MIB1: variants seen among roughly 807,000 people sequenced by gnomAD.
MIB1 encodes the protein MIB E3 ubiquitin protein ligase 1.
Under a neutral mutation model 124.5 loss-of-function variants are expected in MIB1, and 278 were observed. That is an observed-to-expected ratio of 2.23 (90% CI 2.02 to 2.47). The LOEUF (loss-of-function observed/expected upper bound fraction) is 2.47. Ranked by LOEUF, MIB1 falls within the 30% of genes most tolerant of loss-of-function variation. MIB1 has a pLI of 0.00. For synonymous variants in MIB1, 446 were observed against 429.4 expected, an observed-to-expected ratio of 1.04 and a Z score of -0.48; for missense variants, 957 against 1,254.4, an observed-to-expected ratio of 0.76 and a Z score of 3.58.
intron 1 of MIB1, among the ~76,000 whole-genome samples, chr18:21,706,479 G>A (rs1418041423): frequency 2.6e-5 from 4 of 152,170 alleles, no homozygotes; most frequent in African/African-American, 7.2e-5. Flanking sequence ...GGCTGAGGCC[G>A]GAGCCAGCTC....
chr18:21,758,209 A>G (rs1041636497), intron 1 of MIB1, among the ~76,000 whole-genome samples: 3 of 152,190 alleles, frequency 2.0e-5, no homozygotes, highest in African/African-American at 2.4e-5. Context: ...TAATAACAAC[A>G]ATCCTATTTT....
intron 1 of MIB1, among the ~76,000 whole-genome samples, chr18:21,718,952 G>A (rs1004444036): frequency 6.6e-6 from 1 of 152,114 alleles, no homozygotes; most frequent in East Asian, 1.9e-4. Context: ...ACTTTGGGAG[G>A]CCAAGGTGGG....
At chr18:21,756,545 A>G (rs2041033584) in intron 1 of MIB1, among the ~76,000 whole-genome samples, 1 of 152,066 alleles carries the variant, frequency 6.6e-6, no homozygotes, top group Non-Finnish European at 1.5e-5. Flanking sequence ...GCTCGCTGCA[A>G]CCTTTGCCTC....
chr18:21,858,913 A>G lies in MIB1; in HGVS notation c.2880+267A>G, dbSNP rs1034369979. On this transcript the variant is annotated intron_variant, in intron 20 of 20. Coordinates refer to ENST00000261537, the MANE Select transcript of MIB1 (RefSeq NM_020774.4). ...AAACTAAAGCCACAAGGAAGTTTTC[A>G]TAAGTATTAGATTGAGGAAAATGTT... is the stretch of plus-strand genomic sequence containing the variant. 5.9e-5 allele frequency among the ~76,000 whole-genome samples: 9 copies of G among 152,376 alleles called. 1 individual carries two copies. In the South Asian group the frequency reaches 1.2e-3, roughly 21 times the overall value.
chr18:21,785,272 C>T (rs1005892235), intron 6 of MIB1, among the ~76,000 whole-genome samples: 2 of 151,918 alleles, frequency 1.3e-5, no homozygotes, highest in East Asian at 1.9e-4. Context: ...CATTTGGGGC[C>T]GCTACCGGTC....
chr18:21,772,710 G>C (rs1311206790), intron 3 of MIB1, among the ~76,000 whole-genome samples: 2 of 152,046 alleles, frequency 1.3e-5, no homozygotes, highest in Non-Finnish European at 2.9e-5. Context: ...GTGAATTCAA[G>C]AATCAGACTA....
At chr18:21,757,451 C>CAAAAA (rs1202189616) in intron 1 of MIB1, among the ~76,000 whole-genome samples, 11 of 13,264 alleles carry the variant, frequency 8.3e-4, no homozygotes, top group African/African-American at 1.7e-3. Flanking sequence ...GACTCTGTCT[C>CAAAAA]AAAAAAAAAA....
chr18:21,851,108 C>T (rs965969660), intron 17 of MIB1, among the ~76,000 whole-genome samples: 5 of 152,106 alleles, frequency 3.3e-5, no homozygotes, highest in African/African-American at 9.7e-5. Context: ...AGTTCAGAGC[C>T]TCTGGTTGTC....
Position 21,849,374 on chromosome 18 carries a change from C to T in MIB1, c.2572C>T (p.Gln858Ter). ...ATGCCTCATCTGTAAAGAACAGGTTCAATCCAGGACAAAGGTAAGATATAT... is the reference window on the plus strand; with the variant it reads ...ATGCCTCATCTGTAAAGAACAGGTTTAATCCAGGACAAAGGTAAGATATAT... ...KKCLICKEQV[Q>*]SRTKIEECVV... Residue 858 changes from glutamine (Q) to a stop codon, truncating the protein, a stop_gained, in exon 17 of 21, where the codon CAA becomes TAA. Coordinates refer to ENST00000261537, the MANE Select transcript of MIB1 (RefSeq NM_020774.4). LOFTEE classifies it high-confidence loss of function. The T allele has an allele frequency of 6.3e-7, 1 of 1,598,138 alleles. No homozygotes were observed.
At chr18:21,777,920 TC>T (rs2041310225) in intron 4 of MIB1, among the ~76,000 whole-genome samples, 182 bp from the exon 5 acceptor site, 1 of 152,198 alleles carries the variant, frequency 6.6e-6, no homozygotes, top group Non-Finnish European at 1.5e-5. Flanking sequence ...ATATGACCTA[TC>T]TGAAGATCAG....
At chr18:21,756,492 T>A (rs1192846487) in intron 1 of MIB1, among the ~76,000 whole-genome samples, 1 of 152,054 alleles carries the variant, frequency 6.6e-6, no homozygotes, top group East Asian at 1.9e-4. Context: ...TGAGATGAAA[T>A]CTTGCTCTGT....
intron 13 of MIB1, among the ~76,000 whole-genome samples, chr18:21,842,748 G>T (rs1056228468): frequency 1.3e-5 from 2 of 152,204 alleles, no homozygotes; most frequent in South Asian, 4.1e-4. Flanking sequence ...TCTAAATCCA[G>T]TATGAAGACT....
chr18:21,827,808 C>T (rs1032623942), intron 12 of MIB1: 1 of 151,880 alleles, frequency 6.6e-6, no homozygotes, highest in Non-Finnish European at 1.5e-5. Context: ...ATTAACTAGT[C>T]TTATTAAACA....
rs188798308 is a variant in MIB1 at position 21,858,549 on chromosome 18, G to A, written c.2783G>A (p.Ser928Asn). 6.8e-7 allele frequency: 1 copy of A among 1,460,662 alleles called. No individual in the cohort carries two copies. The highest frequency in any genetic ancestry group is 1.4e-5 in the African/African-American group (1 of 71,996). 90.5% of individuals were successfully genotyped at this position (1,460,662 alleles called of 1,614,324 possible). Residue 928 changes from serine to asparagine, a missense_variant, in exon 20 of 21, where the codon AGT becomes AAT. Ser to Asn is a conservative substitution (Grantham distance 46, BLOSUM62 1). Transcript: ENST00000261537. ...SSEDATDDISSGNIPVLQKDK... is the reference protein window; with the variant it reads ...SSEDATDDISNGNIPVLQKDK... ...TCTTTTTAAATCTATATTATAGCAAGTGGGAATATTCCAGTATTACAAAAG... is the reference window on the plus strand; with the variant it reads ...TCTTTTTAAATCTATATTATAGCAAATGGGAATATTCCAGTATTACAAAAG...
chr18:21,854,547 TA>T (rs2042209499), intron 18 of MIB1: 2 of 159,034 alleles, frequency 1.3e-5, no homozygotes, highest in Admixed American at 6.5e-5. Flanking sequence ...AGCCTTAATA[TA>T]ATATTTCCCC....
intron 12 of MIB1, among the ~76,000 whole-genome samples, chr18:21,830,411 G>A (rs1267833680): frequency 2.0e-5 from 3 of 152,062 alleles, no homozygotes; most frequent in Admixed American, 6.6e-5. Context: ...TAATGTATTT[G>A]TACATTTTTA....
intron 1 of MIB1, among the ~76,000 whole-genome samples, chr18:21,764,277 T>C (rs2041131314): frequency 6.6e-6 from 1 of 151,942 alleles, no homozygotes; most frequent in South Asian, 2.1e-4. Context: ...TCCCTCCCTC[T>C]TCCTTCCTGA....
chr18:21,742,698 G>A lies in MIB1; in HGVS notation c.229+886G>A, dbSNP rs539948529. 2.0e-5 allele frequency among the ~76,000 whole-genome samples: 3 copies of A among 152,182 alleles called. No homozygotes were observed. The South Asian group carries it at 6.2e-4, about 32-fold the overall frequency. ...TTCATTTTCATATAGATTCATCTTT[G>A]GTATTATTTATCCTTGATATTTATC... On this transcript the variant is annotated intron_variant, in intron 1 of 20. Transcript: ENST00000261537.
At chr18:21,808,057 T>C (rs1009178669) in intron 10 of MIB1, among the ~76,000 whole-genome samples, 1 of 152,222 alleles carries the variant, frequency 6.6e-6, no homozygotes, top group African/African-American at 2.4e-5. Context: ...AAGGGCTCTT[T>C]TAAAAAGTTT....
Sources: gnomAD v4.1 joint callset for allele counts (sites outside exome capture counted in the v4.1 genomes callset) on GRCh38, gnomAD v4.1.1 for gene constraint, MANE v1.5 for transcripts, NCBI Gene and HGNC (gene_info 2026-07-23, HGNC 2026-07-21) for gene names.